Variants in KANSL1L observed in about 807,000 individuals in gnomAD.
KANSL1L encodes the protein KAT8 regulatory NSL complex subunit 1 like, also known as KAT8 regulatory NSL complex subunit 1-like protein.
Under a neutral mutation model 108.6 loss-of-function variants are expected in KANSL1L, and 25 were observed. The observed-to-expected ratio is 0.23, with a 90% CI of 0.17 to 0.32. The LOEUF is 0.32. Ranked by LOEUF, KANSL1L falls within the 10% of genes least tolerant of loss-of-function variation. KANSL1L has a pLI of 1.00. For missense variants in KANSL1L, 1,137 were observed against 1,125.7 expected (o/e 1.01, Z -0.14); for synonymous variants, 405 against 395.1 (o/e 1.03, Z -0.30).
intron 2 of KANSL1L, among the ~76,000 whole-genome samples, chr2:210,150,878 A>T (rs2095298396): frequency 6.6e-6 from 1 of 152,182 alleles, no homozygotes; most frequent in South Asian, 2.1e-4. Context: ...GTTGGTTAAG[A>T]CTAACAGATA....
At chr2:210,112,817 A>C (rs2094921547) in intron 3 of KANSL1L, among the ~76,000 whole-genome samples, 1 of 152,310 alleles carries the variant, frequency 6.6e-6, no homozygotes, top group African/African-American at 2.4e-5. Flanking sequence ...CATTGGCAGA[A>C]TCTGTCTAAT....
chr2:210,157,919 G>T (rs140409423), intron 1 of KANSL1L, among the ~76,000 whole-genome samples: 10 of 151,830 alleles, frequency 6.6e-5, no homozygotes, highest in Admixed American at 2.0e-4. Context: ...AAAGAAAGCA[G>T]ATTAGTATTT....
chr2:210,084,519 G>T (rs895870903), intron 5 of KANSL1L, among the ~76,000 whole-genome samples: 1 of 152,030 alleles, frequency 6.6e-6, no homozygotes, highest in African/African-American at 2.4e-5. Flanking sequence ...AACTGAAAAA[G>T]ATATAAAATT....
At chr2:210,087,730 G>A (rs1199960367) in intron 5 of KANSL1L, among the ~76,000 whole-genome samples, 5 of 152,084 alleles carry the variant, frequency 3.3e-5, no homozygotes, top group African/African-American at 1.2e-4. Flanking sequence ...TAATAAGCAC[G>A]TAAAAAATTA....
In KANSL1L at chr2:210,022,340, A is replaced by C. The variant is rs1004527988; in HGVS notation, c.*609T>G. 6.6e-6 allele frequency: 1 copy of C among 152,508 alleles called. No individual in the cohort carries two copies. The highest frequency in any genetic ancestry group is 2.4e-5 in the African/African-American group (1 of 41,434). 9.4% of individuals were successfully genotyped at this position (152,508 alleles called of 1,614,324 possible). A position where few individuals can be genotyped will look rare whatever the true frequency, so the allele number is the denominator to read the frequency against. ...ACAACAACAAAAAACTTCTGTCTCT[A>C]TATTCAGGACGTTCAGATGTCTTTT... On this transcript the variant is annotated 3_prime_UTR_variant, in exon 15 of 15. Transcript: ENST00000281772.
At chr2:210,105,710 A>C (rs1033483900) in intron 3 of KANSL1L, among the ~76,000 whole-genome samples, 1 of 151,996 alleles carries the variant, frequency 6.6e-6, no homozygotes, top group Non-Finnish European at 1.5e-5. Flanking sequence ...ATTTTGTAGT[A>C]AAATTTTTGG....
intron 3 of KANSL1L, among the ~76,000 whole-genome samples, chr2:210,111,206 T>G (rs1253670156): frequency 6.7e-6 from 1 of 150,314 alleles, no homozygotes; most frequent in East Asian, 1.9e-4. Flanking sequence ...TATAGCAGCA[T>G]TATTCATAAT....
chr2:210,118,537 G>C (rs982345059), intron 3 of KANSL1L, among the ~76,000 whole-genome samples: 1 of 150,360 alleles, frequency 6.7e-6, no homozygotes, highest in African/African-American at 2.4e-5. Context: ...TGAGTAAGGA[G>C]ATTAAATCAC....
intron 3 of KANSL1L, among the ~76,000 whole-genome samples, chr2:210,120,684 G>GTATACTAACT (rs2095008239): frequency 6.6e-6 from 1 of 152,040 alleles, no homozygotes; most frequent in African/African-American, 2.4e-5. Context: ...CACAGAGAAA[G>GTATACTAACT]AAACTATCAA....
At chr2:210,046,247 T>G (rs2094221782) in intron 6 of KANSL1L, among the ~76,000 whole-genome samples, 2 of 152,182 alleles carry the variant, frequency 1.3e-5, no homozygotes, top group Admixed American at 1.3e-4. Flanking sequence ...TAGCATTGCA[T>G]CCAAGCCCCC....
At chr2:210,099,078 A>G (rs1248694600) in intron 4 of KANSL1L, among the ~76,000 whole-genome samples, 1 of 152,050 alleles carries the variant, frequency 6.6e-6, no homozygotes, top group Non-Finnish European at 1.5e-5. Flanking sequence ...GTCATCTGTA[A>G]TCATACTTCA....
At chr2:210,032,146 G>A (rs2094027137) in intron 8 of KANSL1L, 2 of 152,130 alleles carry the variant, frequency 1.3e-5, no homozygotes, top group African/African-American at 4.8e-5. Context: ...AACCAAATTG[G>A]CTTCTTTTTT....
chr2:210,095,846 T>G (rs1333526456), intron 5 of KANSL1L, among the ~76,000 whole-genome samples: 1 of 152,162 alleles, frequency 6.6e-6, no homozygotes, highest in African/African-American at 2.4e-5. Context: ...TAAATACCTT[T>G]CCTTCAAGGA....
intron 5 of KANSL1L, among the ~76,000 whole-genome samples, chr2:210,081,638 A>C (rs2125349413): frequency 6.6e-6 from 1 of 152,334 alleles, no homozygotes; most frequent in Non-Finnish European, 1.5e-5. Context: ...AATTCCTGAT[A>C]TTATGCCTTA....
chr2:210,131,899 G>A (rs569910387), intron 2 of KANSL1L, among the ~76,000 whole-genome samples: 1 of 151,768 alleles, frequency 6.6e-6, no homozygotes, highest in Non-Finnish European at 1.5e-5. Flanking sequence ...GTTTCACTAC[G>A]TTGGCTAAGC....
In KANSL1L at chr2:210,028,837, A is replaced by G. The variant is rs965245170; in HGVS notation, c.2396+8T>C. ...GGAAGAAAAATATGAAGATGTAAGT[A>G]TACATACCTTGGAGTAAGTATTTCC... On this transcript the variant is annotated splice_region_variant and intron_variant, in intron 11 of 14. Coordinates refer to ENST00000281772, the MANE Select transcript of KANSL1L (RefSeq NM_152519.4). The G allele has an allele frequency of 6.4e-7, 1 of 1,567,390 alleles. No individual in the cohort carries two copies. The highest frequency in any genetic ancestry group is 8.7e-7 in the Non-Finnish European group (1 of 1,148,476).
At chr2:210,161,666 T>C (rs1276580643) in intron 1 of KANSL1L, among the ~76,000 whole-genome samples, 1 of 152,186 alleles carries the variant, frequency 6.6e-6, no homozygotes, top group African/African-American at 2.4e-5. Context: ...CAGAAGATAA[T>C]GTGTTCAAGA....
intron 1 of KANSL1L, among the ~76,000 whole-genome samples, chr2:210,156,735 A>G (rs1223607485): frequency 6.6e-6 from 1 of 152,152 alleles, no homozygotes; most frequent in East Asian, 1.9e-4. Context: ...TAAAAGTGAT[A>G]GTTCAAGGGG....
intron 6 of KANSL1L, among the ~76,000 whole-genome samples, chr2:210,052,368 A>G (rs1023671529): frequency 3.3e-5 from 5 of 152,140 alleles, no homozygotes; most frequent in African/African-American, 1.2e-4. Flanking sequence ...CTTTAGTACA[A>G]CAGGCTGCCC....
Sources: gnomAD v4.1 joint callset for allele counts (sites outside exome capture counted in the v4.1 genomes callset) on GRCh38, gnomAD v4.1.1 for gene constraint, MANE v1.5 for transcripts, NCBI Gene and HGNC (gene_info 2026-07-23, HGNC 2026-07-21) for gene names.